The following OR10AG1 variants were observed in gnomAD, a reference collection of about 807,000 sequenced individuals.
The protein encoded by OR10AG1 is olfactory receptor family 10 subfamily AG member 1.
For synonymous variants in OR10AG1, 147 were observed against 128.6 expected (o/e 1.14, Z -0.97); for missense variants, 433 against 376.5 (o/e 1.15, Z -1.24).
At chr11:55,969,838 C>T in intron 1 of OR10AG1, 54 bp downstream of exon 1, 1 of 398,148 alleles carries the variant, frequency 2.5e-6, no homozygotes, top group Non-Finnish European at 4.4e-6. Context: ...TTTCTATCCA[C>T]AAACTTGTAA....
chr11:55,967,837 A>G lies in OR10AG1; in HGVS notation c.687T>C (p.Tyr229=), dbSNP rs1043806322. 6.2e-7 allele frequency: 1 copy of G among 1,614,130 alleles called. No homozygotes were observed. The change falls in exon 2 of 2, where the codon TAT becomes TAC. Residue 229 remains tyrosine (Y), a synonymous_variant. Coordinates refer to ENST00000641071, the MANE Select transcript of OR10AG1 (RefSeq NM_001005491.2). ...TCAAAATGTTGGAGATAATTTTGCC[A>G]TAAGAGACAACAATCAACAGAAATG... ...TVPFLLIVVS[Y]GKIISNILKL...
In OR10AG1 at chr11:55,967,892, T is replaced by A; in HGVS notation, c.632A>T (p.His211Leu). ...GNIFVNEITV[H>L]VVAVVFITVP... The stretch of plus-strand genomic sequence containing the variant: ...CGTGATAAACACCACCGCTACTACA[T>A]GGACTGTTATCTCATTCACAAATAT... The change falls in exon 2 of 2, where the codon CAT becomes CTT. Residue 211 changes from histidine to leucine, a missense_variant. Transcript: ENST00000641071. The A allele has an allele frequency of 1.9e-6, 3 of 1,614,092 alleles. No homozygotes were observed. In the South Asian group the frequency reaches 3.3e-5, roughly 18 times the overall value.
rs746886670 is a variant in OR10AG1, at chr11:55,967,918, GT to G, written c.605del (p.Asn202ThrfsTer4). The G allele has an allele frequency of 6.2e-7, 1 of 1,614,062 alleles. No individual in the cohort carries two copies. The highest frequency in any genetic ancestry group is 1.1e-5 in the South Asian group (1 of 91,086). On this transcript the variant is annotated frameshift_variant, in exon 2 of 2. Transcript: ENST00000641071. LOFTEE classifies it low-confidence loss of function (END_TRUNC). ...IPPILKLACG[N>X]IFVNEITVHV... Reference sequence around the variant, plus strand: ...GGACTGTTATCTCATTCACAAATATGTTTCCACAAGCAAGCTTGAGTATTGG... The same window carrying G: ...GGACTGTTATCTCATTCACAAATATGTTCCACAAGCAAGCTTGAGTATTGG...
At position 55,968,325 on chromosome 11, in the gene OR10AG1, G is replaced by A; in HGVS notation, c.199C>T (p.Gln67Ter). The A allele has an allele frequency of 3.7e-6, 6 of 1,613,302 alleles. No individual in the cohort carries two copies. The highest frequency in any genetic ancestry group is 2.7e-5 in the African/African-American group (2 of 74,948). Reference protein sequence around the residue: ...ILLIKIHPALQTPMYFFLSNF... With the variant: ...ILLIKIHPAL Reference sequence around the variant, plus strand: ...CTAAGAAAAAAATACATGGGAGTCTGGAGAGCGGGGTGAATTTTTATTAGT... The same window carrying A: ...CTAAGAAAAAAATACATGGGAGTCTAGAGAGCGGGGTGAATTTTTATTAGT... Residue 67 changes from glutamine (Q) to a stop codon, truncating the protein, a stop_gained, in exon 2 of 2, where the codon CAG becomes TAG. Transcript: ENST00000641071. LOFTEE classifies it low-confidence loss of function (END_TRUNC).
chr11:55,966,283 TATA>T lies in OR10AG1; in HGVS notation c.*1272_*1274del, dbSNP rs1565157692. 17 of 90,060 alleles carry T rather than the reference TATA, an allele frequency of 1.9e-4. 1 individual carries two copies. In the South Asian group the frequency reaches 5.2e-3, roughly 28 times the overall value. 5.6% of individuals were successfully genotyped at this position (90,060 alleles called of 1,614,324 possible). The stretch of plus-strand genomic sequence containing the variant: ...AAAGTAAGAAGAATATATATATATA[TATA>T]TATATTTTTTTTTTTAAACAGAAGT... On this transcript the variant is annotated 3_prime_UTR_variant, in exon 2 of 2. Transcript: ENST00000641071.
In OR10AG1 at chr11:55,967,239, A is replaced by T. The variant is rs1221264795; in HGVS notation, c.*319T>A. On this transcript the variant is annotated 3_prime_UTR_variant, in exon 2 of 2. Coordinates refer to ENST00000641071, the MANE Select transcript of OR10AG1 (RefSeq NM_001005491.2). The stretch of plus-strand genomic sequence containing the variant: ...GGAATGGGAAGGTGAAAGAAGATGT[A>T]TTACAGAGCCTGATCCTAACCCCTA... The T allele has an allele frequency of 1.5e-5, 3 of 196,470 alleles. No individual in the cohort carries two copies. Among genetic ancestry groups the T allele is most frequent in the Non-Finnish European group, 3.1e-5 (3 of 96,920 alleles). 12.2% of individuals were successfully genotyped at this position (196,470 alleles called of 1,614,324 possible).
rs1323101321 is a variant in OR10AG1 at position 55,968,264 on chromosome 11, A to G, written c.260T>C (p.Ile87Thr). Residue 87 changes from isoleucine to threonine, a missense_variant, in exon 2 of 2, where the codon ATC becomes ACC. Transcript: ENST00000641071. ...GTCCATGAGCATTCTTGGGATAATGATTGTTACATAACAGATTTCCAAAAG... is the reference window on the plus strand; with the variant it reads ...GTCCATGAGCATTCTTGGGATAATGGTTGTTACATAACAGATTTCCAAAAG... ...FSLLEICYVT[I>T]IIPRMLMDIW... 1 of 1,613,498 alleles carries G rather than the reference A, an allele frequency of 6.2e-7. No individual in the cohort carries two copies. The highest frequency in any genetic ancestry group is 1.7e-5 in the Admixed American group (1 of 60,022).
Position 55,968,316 on chromosome 11 carries a change from T to C in OR10AG1, c.208A>G (p.Met70Val). ...GAAAAATTGCTAAGAAAAAAATACA[T>C]GGGAGTCTGGAGAGCGGGGTGAATT... Reference protein sequence around the residue: ...IKIHPALQTPMYFFLSNFSLL... With the variant: ...IKIHPALQTPVYFFLSNFSLL... Residue 70 changes from methionine (M) to valine (V), a missense_variant, in exon 2 of 2, where the codon ATG becomes GTG. Met to Val is a conservative substitution (Grantham distance 21). Coordinates refer to ENST00000641071, the MANE Select transcript of OR10AG1 (RefSeq NM_001005491.2). 1 of 1,613,528 alleles carries C rather than the reference T, an allele frequency of 6.2e-7. No individual in the cohort carries two copies. Among genetic ancestry groups the C allele is most frequent in the Non-Finnish European group, 8.5e-7 (1 of 1,179,560 alleles).
In OR10AG1 at chr11:55,968,333, G is replaced by A. The variant is rs1457117477; in HGVS notation, c.191C>T (p.Pro64Leu). The A allele has an allele frequency of 1.4e-5, 23 of 1,613,010 alleles. No homozygotes were observed. The highest frequency in any genetic ancestry group is 2.2e-5 in the East Asian group (1 of 44,856). Reference protein sequence around the residue: ...GIIILLIKIHPALQTPMYFFL... With the variant: ...GIIILLIKIHLALQTPMYFFL... ...AAAATACATGGGAGTCTGGAGAGCG[G>A]GGTGAATTTTTATTAGTAGTATTAT... The change falls in exon 2 of 2, where the codon CCC (proline) becomes CTC (leucine). Residue 64 changes from proline (P) to leucine (L), a missense_variant. Physicochemically the swap from Pro to Leu is moderately conservative, Grantham distance 98. Transcript: ENST00000641071.
In OR10AG1 at chr11:55,965,810, A is replaced by G. The variant is rs1852683086; in HGVS notation, c.*1748T>C. On this transcript the variant is annotated 3_prime_UTR_variant, in exon 2 of 2. Transcript: ENST00000641071. ...ATAAATTGTAAATTAAAATATAATA[A>G]AACAGAAATCTTCTGAATTCTTGCC... 6.6e-6 allele frequency: 1 copy of G among 152,112 alleles called. No individual in the cohort carries two copies. The highest frequency in any genetic ancestry group is 2.1e-4 in the South Asian group (1 of 4,836). 9.4% of individuals were successfully genotyped at this position (152,112 alleles called of 1,614,324 possible). A position where few individuals can be genotyped will look rare whatever the true frequency, so the allele number is the denominator to read the frequency against.
Position 55,968,252 on chromosome 11 carries a change from C to G in OR10AG1, c.272G>C (p.Arg91Thr). The G allele has an allele frequency of 6.2e-7, 1 of 1,613,498 alleles. No individual in the cohort carries two copies. The highest frequency in any genetic ancestry group is 2.2e-5 in the East Asian group (1 of 44,878). The change falls in exon 2 of 2, where the codon AGA becomes ACA. Residue 91 changes from arginine to threonine, a missense_variant. Physicochemically the swap from Arg to Thr is moderately conservative, Grantham distance 71. Coordinates refer to ENST00000641071, the MANE Select transcript of OR10AG1 (RefSeq NM_001005491.2). ...CTGAGTCCAAATGTCCATGAGCATT[C>G]TTGGGATAATGATTGTTACATAACA... ...EICYVTIIIP[R>T]MLMDIWTQKG...
chr11:55,968,258 A>G lies in OR10AG1; in HGVS notation c.266T>C (p.Ile89Thr). The change falls in exon 2 of 2, where the codon ATC becomes ACC. Residue 89 changes from isoleucine (I) to threonine (T), a missense_variant. Transcript: ENST00000641071. Reference sequence around the variant, plus strand: ...CCAAATGTCCATGAGCATTCTTGGGATAATGATTGTTACATAACAGATTTC... The same window carrying G: ...CCAAATGTCCATGAGCATTCTTGGGGTAATGATTGTTACATAACAGATTTC... ...LLEICYVTII[I>T]PRMLMDIWTQ... 1.2e-6 allele frequency: 2 copies of G among 1,613,392 alleles called. No individual in the cohort carries two copies. Among genetic ancestry groups the G allele is most frequent in the Non-Finnish European group, 8.5e-7 (1 of 1,179,368 alleles).
At position 55,967,393 on chromosome 11, in the gene OR10AG1, C is replaced by T. The variant is rs1852697213; in HGVS notation, c.*165G>A. 3.6e-6 allele frequency: 2 copies of T among 552,518 alleles called. No individual in the cohort carries two copies. Among genetic ancestry groups the T allele is most frequent in the Non-Finnish European group, 3.2e-6 (1 of 314,836 alleles). The allele number at this position is 552,518 out of a possible 1,614,324, so 34.2% of individuals were successfully genotyped here. Reference sequence around the variant, plus strand: ...ATTGTGCTCCAACTGCACAGTAGCACATAACTATATTCTGTGAATAAAACA... The same window carrying T: ...ATTGTGCTCCAACTGCACAGTAGCATATAACTATATTCTGTGAATAAAACA... On this transcript the variant is annotated 3_prime_UTR_variant, in exon 2 of 2. Transcript: ENST00000641071.
rs765691072 is a variant in OR10AG1 at position 55,967,568 on chromosome 11, A to G, written c.956T>C (p.Leu319Ser). ...MVALRKLLAK[L>S]LT ...TTTCAAGTCTTCATCTCATGTTAATAACTTAGCTAGTAATTTTCTCAATGC... is the reference window on the plus strand; with the variant it reads ...TTTCAAGTCTTCATCTCATGTTAATGACTTAGCTAGTAATTTTCTCAATGC... Residue 319 changes from leucine (L) to serine (S), a missense_variant, in exon 2 of 2, where the codon TTA becomes TCA. Transcript: ENST00000641071. 2 of 1,573,346 alleles carry G rather than the reference A, an allele frequency of 1.3e-6. No homozygotes were observed. The highest frequency in any genetic ancestry group is 8.7e-7 in the Non-Finnish European group (1 of 1,153,964).
Position 55,968,381 on chromosome 11 carries a change from A to G in OR10AG1, c.143T>C (p.Met48Thr), listed in dbSNP as rs76700680. ...TATGATGCCATTGCACATCAGGATC[A>G]TCAAATACATAAGTAAAAATATACT... ...LFSIFLLMYLMILMCNGIIIL... is the reference protein window; with the variant it reads ...LFSIFLLMYLTILMCNGIIIL... Residue 48 changes from methionine (M) to threonine (T), a missense_variant, in exon 2 of 2, where the codon ATG becomes ACG. Transcript: ENST00000641071. The G allele has an allele frequency of 0.073, 116,233 of 1,602,550 alleles. 4,802 individuals are homozygous for G. The highest frequency in any genetic ancestry group is 0.081 in the Non-Finnish European group (94,762 of 1,170,980).
rs1338321103 is a variant in OR10AG1, at chr11:55,966,191, AC to A, written c.*1366del. ...TTTCGTTATAAAAGTTTTTGAAAAA[AC>A]ACGTTTGTAATAACTATTGAAAATA... On this transcript the variant is annotated 3_prime_UTR_variant, in exon 2 of 2. Transcript: ENST00000641071. 2.6e-5 allele frequency: 4 copies of A among 151,586 alleles called. No homozygotes were observed. The highest frequency in any genetic ancestry group is 1.9e-4 in the East Asian group (1 of 5,158). The allele number at this position is 151,586 out of a possible 1,614,324, so 9.4% of individuals were successfully genotyped here. A position where few individuals can be genotyped will look rare whatever the true frequency, so the allele number is the denominator to read the frequency against.
At chr11:55,968,617 T>C (rs953847115) in intron 1 of OR10AG1, 110 bp from the exon 2 acceptor site, 1 of 533,602 alleles carries the variant, frequency 1.9e-6, no homozygotes, top group African/African-American at 1.9e-5. Flanking sequence ...AGCTCTTAAG[T>C]CATTTTCACC....
rs951839461 is a variant in OR10AG1, at chr11:55,968,000, A to C, written c.524T>G (p.Phe175Cys). ...GTTAGTTCCGCAAAAGGGCAAAAGGAAAATTTGGCATGTTTCCCCAATTAC... is the reference window on the plus strand; with the variant it reads ...GTTAGTTCCGCAAAAGGGCAAAAGGCAAATTTGGCATGTTTCCCCAATTAC... ...PVVIGETCQI[F>C]LLPFCGTNTI... The change falls in exon 2 of 2, where the codon TTC becomes TGC. Residue 175 changes from phenylalanine to cysteine, a missense_variant. By Grantham distance (205) the Phe-to-Cys change is radical (BLOSUM62 -2). Transcript: ENST00000641071. The C allele has an allele frequency of 1.9e-6, 3 of 1,614,078 alleles. No individual in the cohort carries two copies. The East Asian group carries it at 6.7e-5, about 36-fold the overall frequency.
In OR10AG1 at chr11:55,966,488, C is replaced by T. The variant is rs984406249; in HGVS notation, c.*1070G>A. 1 of 151,982 alleles carries T rather than the reference C, an allele frequency of 6.6e-6. No individual in the cohort carries two copies. Among genetic ancestry groups the T allele is most frequent in the Non-Finnish European group, 1.5e-5 (1 of 68,008 alleles). 9.4% of individuals were successfully genotyped at this position (151,982 alleles called of 1,614,324 possible). ...TCCCCTGGTTTATCTTAACAACTTA[C>T]TGCAAATTGGGTGGCTTAAGGCAAT... On this transcript the variant is annotated 3_prime_UTR_variant, in exon 2 of 2. Coordinates refer to ENST00000641071, the MANE Select transcript of OR10AG1 (RefSeq NM_001005491.2).
Sources: gnomAD v4.1 joint callset for allele counts on GRCh38, gnomAD v4.1.1 for gene constraint, MANE v1.5 for transcripts, NCBI Gene and HGNC (gene_info 2026-07-23, HGNC 2026-07-21) for gene names.